MMAA: variants seen among roughly 807,000 people sequenced by gnomAD.
The protein encoded by MMAA is methylmalonic aciduria type A protein, mitochondrial.
Under a neutral mutation model 45.0 loss-of-function variants are expected in MMAA, and 41 were observed. That is an observed-to-expected ratio of 0.91 (90% CI 0.71 to 1.18). MMAA has a LOEUF of 1.18. MMAA is among the 50% of genes most tolerant of loss of function. The pLI is 0.00. For missense variants in MMAA, 460 were observed against 495.7 expected, an observed-to-expected ratio of 0.93 and a Z score of 0.68; for synonymous variants, 154 against 178.2, an observed-to-expected ratio of 0.86 and a Z score of 1.08.
At chr4:145,627,673 C>T (rs1450093575) in intron 1 of MMAA, among the ~76,000 whole-genome samples, 4 of 152,068 alleles carry the variant, frequency 2.6e-5, no homozygotes, top group Non-Finnish European at 5.9e-5. Context: ...ACTTAACTGC[C>T]TGGAGAAGGT....
rs1728310070 is a variant in MMAA at position 145,658,949 on chromosome 4, A to G, written c.*3515A>G. ...CGCCAGACTTTATGAAACTCCTCCTAAAGTTGAATTCTTATCCAAGTGGAC... is the reference window on the plus strand; with the variant it reads ...CGCCAGACTTTATGAAACTCCTCCTGAAGTTGAATTCTTATCCAAGTGGAC... On this transcript the variant is annotated 3_prime_UTR_variant, in exon 7 of 7. Transcript: ENST00000649156. 6.6e-6 allele frequency: 1 copy of G among 152,186 alleles called. No individual in the cohort carries two copies. Among genetic ancestry groups the G allele is most frequent in the African/African-American group, 2.4e-5 (1 of 41,462 alleles). The allele number at this position is 152,186 out of a possible 1,614,324, so 9.4% of individuals were successfully genotyped here.
chr4:145,649,412 A>G (rs1394695912), intron 4 of MMAA, among the ~76,000 whole-genome samples: 1 of 152,206 alleles, frequency 6.6e-6, no homozygotes, highest in Non-Finnish European at 1.5e-5. Context: ...CTTAGCACTC[A>G]GTTTCCATCC....
intron 1 of MMAA, among the ~76,000 whole-genome samples, chr4:145,627,829 A>G (rs1426465458): frequency 6.6e-6 from 1 of 152,198 alleles, no homozygotes; most frequent in East Asian, 1.9e-4. Context: ...AAAAATGGTT[A>G]CTATCTCATA....
chr4:145,653,871 G>C (rs1728159318), intron 5 of MMAA, 123 bp from the exon 6 acceptor site: 1 of 1,006,228 alleles, frequency 9.9e-7, no homozygotes, highest in Non-Finnish European at 1.6e-6. Context: ...GTGATTCTTG[G>C]CATCCAGGGC....
chr4:145,642,658 G>A, intron 3 of MMAA, 173 bp downstream of exon 3: 1 of 902,576 alleles, frequency 1.1e-6, no homozygotes, highest in Non-Finnish European at 1.8e-6. Context: ...TGGGAGTGTT[G>A]TACTCCTCAG....
chr4:145,634,555 C>T (rs776400159), intron 1 of MMAA, among the ~76,000 whole-genome samples: 2 of 151,928 alleles, frequency 1.3e-5, no homozygotes, highest in African/African-American at 4.8e-5. Context: ...TTCTCTACCC[C>T]ACTGTGGCCA....
At chr4:145,651,451 G>A (rs978228731) in intron 5 of MMAA, among the ~76,000 whole-genome samples, 4 of 152,172 alleles carry the variant, frequency 2.6e-5, no homozygotes, top group African/African-American at 7.2e-5. Context: ...TTGTTAGTAC[G>A]TTGATTCAAA....
At chr4:145,646,779 G>A (rs190136352) in intron 4 of MMAA, among the ~76,000 whole-genome samples, 18 of 152,324 alleles carry the variant, frequency 1.2e-4, no homozygotes, top group African/African-American at 4.3e-4. Context: ...GCGATAAAGG[G>A]CATTTGCAAA....
At chr4:145,624,138 G>T in intron 1 of MMAA, 1 of 1,124,934 alleles carries the variant, frequency 8.9e-7, no homozygotes, top group Non-Finnish European at 1.4e-6. Context: ...CAGAAAGGCT[G>T]CTCAACTCTT....
intron 5 of MMAA, among the ~76,000 whole-genome samples, chr4:145,653,562 C>T (rs1300544444): frequency 1.3e-5 from 2 of 152,188 alleles, no homozygotes; most frequent in African/African-American, 2.4e-5. Context: ...ATGCTATATA[C>T]ATTTAAGGAA....
chr4:145,625,133 C>T (rs746051298), intron 1 of MMAA: 20 of 1,202,852 alleles, frequency 1.7e-5, no homozygotes, highest in Middle Eastern at 1.9e-4. Flanking sequence ...CATCTCATCT[C>T]GATCAGGAAG....
chr4:145,655,181 T>G lies in MMAA; in HGVS notation c.1004T>G (p.Ile335Ser). 1 of 1,614,126 alleles carries G rather than the reference T, an allele frequency of 6.2e-7. No individual in the cohort carries two copies. The highest frequency in any genetic ancestry group is 8.5e-7 in the Non-Finnish European group (1 of 1,180,002). ...IRISARSGEG[I>S]SEMWDKMKDF... ...ATTTCTGCCCGAAGTGGAGAGGGGA[T>G]CTCTGAAATGTGGGATAAAATGAAA... The change falls in exon 7 of 7, where the codon ATC becomes AGC. Residue 335 changes from isoleucine (I) to serine (S), a missense_variant. Ile to Ser is a moderately radical substitution (Grantham distance 142). Transcript: ENST00000649156.
In MMAA at chr4:145,657,322, CCT is replaced by C. The variant is rs949449195; in HGVS notation, c.*1891_*1892del. 2.6e-5 allele frequency: 4 copies of C among 151,958 alleles called. No homozygotes were observed. Among genetic ancestry groups the C allele is most frequent in the Middle Eastern group, 3.2e-3 (1 of 316 alleles). The allele number at this position is 151,958 out of a possible 1,614,324, so 9.4% of individuals were successfully genotyped here. On this transcript the variant is annotated 3_prime_UTR_variant, in exon 7 of 7. Coordinates refer to ENST00000649156, the MANE Select transcript of MMAA (RefSeq NM_172250.3). Reference sequence around the variant, plus strand: ...GACCAATTTCTAAGAGATTTTTTCACCTCTGTTTCTGTTATTTGCTATACTGG... The same window carrying C: ...GACCAATTTCTAAGAGATTTTTTCACCTGTTTCTGTTATTTGCTATACTGG...
At chr4:145,642,566 T>A (rs571405012) in intron 3 of MMAA, 81 bp downstream of exon 3, 1 of 1,586,424 alleles carries the variant, frequency 6.3e-7, no homozygotes, top group Admixed American at 1.7e-5. Context: ...CACAGTTGGG[T>A]GACCTCTAAC....
chr4:145,649,094 G>T (rs1215791496), intron 4 of MMAA, among the ~76,000 whole-genome samples: 1 of 145,504 alleles, frequency 6.9e-6, no homozygotes, highest in Non-Finnish European at 1.5e-5. Context: ...TTTGAGACCA[G>T]CCTGGGCAAC....
intron 2 of MMAA, among the ~76,000 whole-genome samples, chr4:145,641,103 A>G (rs1016306252): frequency 7.9e-5 from 12 of 152,312 alleles, no homozygotes; most frequent in African/African-American, 2.9e-4. Flanking sequence ...AGACTTCTTA[A>G]TCTTCTGCCC....
chr4:145,624,476 C>G, intron 1 of MMAA: 1 of 910,178 alleles, frequency 1.1e-6, no homozygotes, highest in Non-Finnish European at 1.8e-6. Flanking sequence ...TAGGCCCTTT[C>G]TTAGGACTTC....
At chr4:145,620,221 CAA>C (rs1034804873) in intron 1 of MMAA, among the ~76,000 whole-genome samples, 11 of 152,010 alleles carry the variant, frequency 7.2e-5, no homozygotes, top group African/African-American at 1.7e-4. Context: ...TTCAGGGTAA[CAA>C]GAGGTTTTTA....
At chr4:145,641,649 C>T (rs1318423144) in intron 2 of MMAA, among the ~76,000 whole-genome samples, 6 of 152,174 alleles carry the variant, frequency 3.9e-5, no homozygotes, top group Non-Finnish European at 8.8e-5. Context: ...GGTACTATTA[C>T]TATATCTATT....
Sources: gnomAD v4.1 joint callset for allele counts (sites outside exome capture counted in the v4.1 genomes callset) on GRCh38, gnomAD v4.1.1 for gene constraint, MANE v1.5 for transcripts, NCBI Gene and HGNC (gene_info 2026-07-23, HGNC 2026-07-21) for gene names.